IGFBPL1: variants seen among roughly 807,000 people sequenced by gnomAD.
IGFBPL1 encodes the protein insulin like growth factor binding protein like 1.
Under a neutral mutation model 23.9 loss-of-function variants are expected in IGFBPL1, and 20 were observed. The observed-to-expected ratio is 0.84, with a 90% CI of 0.59 to 1.22. The LOEUF (loss-of-function observed/expected upper bound fraction) is 1.22, where lower values mean the gene tolerates loss of function less well. IGFBPL1 is among the 50% of genes most tolerant of loss of function. The probability of loss-of-function intolerance (pLI) is 0.00; values close to 1 mark genes in which losing one functional copy is unlikely to be tolerated. For synonymous variants in IGFBPL1, 184 were observed against 171.8 expected (o/e 1.07, Z -0.56); for missense variants, 436 against 379.3 (o/e 1.15, Z -1.24).
intron 1 of IGFBPL1, among the ~76,000 whole-genome samples, chr9:38,419,094 C>T (rs1234657312): frequency 1.3e-5 from 2 of 151,910 alleles, no homozygotes; most frequent in Non-Finnish European, 2.9e-5. Flanking sequence ...GATTTGTCCC[C>T]CTACCTCGTC....
intron 4 of IGFBPL1, 65 bp downstream of exon 4, chr9:38,411,326 T>C (rs1321132284): frequency 1.4e-6 from 2 of 1,419,458 alleles, no homozygotes; most frequent in East Asian, 4.6e-5. Context: ...TTACAGGTCT[T>C]ATAAGCCACC....
intron 2 of IGFBPL1, 77 bp from the exon 3 acceptor site, chr9:38,413,430 CCCTCCTCCTT>C: frequency 1.1e-6 from 1 of 906,912 alleles, no homozygotes; most frequent in Non-Finnish European, 1.8e-6. Flanking sequence ...GGCTTCCTTG[CCCTCCTCCTT>C]CCTCCTCCTC....
chr9:38,420,705 T>C (rs10814692), intron 1 of IGFBPL1, among the ~76,000 whole-genome samples: 35,434 of 151,882 alleles, frequency 0.23, 4,623 homozygotes, highest in African/African-American at 0.34. Context: ...GGCGTGGTGG[T>C]GGGCGCCTGT....
Position 38,411,409 on chromosome 9 carries a change from G to C in IGFBPL1, c.828C>G (p.Asp276Glu). 2 of 1,607,374 alleles carry C rather than the reference G, an allele frequency of 1.2e-6. No individual in the cohort carries two copies. The highest frequency in any genetic ancestry group is 1.7e-6 in the Non-Finnish European group (2 of 1,179,140). The change falls in exon 4 of 5, where the codon GAC (aspartate) becomes GAG (glutamate). Residue 276 changes from aspartate (D) to glutamate (E), a missense_variant. By Grantham distance (45) the Asp-to-Glu change is conservative (BLOSUM62 2). Transcript: ENST00000377694. ...CATGTACATTTCTCCATCACATGCG[G>C]TCATCGGGAGCTGGGAAGTGGAAGC... ...YRSFHFPAPD[D>E]RM
intron 1 of IGFBPL1, among the ~76,000 whole-genome samples, chr9:38,420,451 T>C (rs1438437320): frequency 6.6e-6 from 1 of 152,152 alleles, no homozygotes; most frequent in Non-Finnish European, 1.5e-5. Context: ...TGGACCCAGA[T>C]TGAGAAACCC....
intron 1 of IGFBPL1, among the ~76,000 whole-genome samples, chr9:38,422,910 G>C (rs1821701632): frequency 6.6e-6 from 1 of 152,072 alleles, no homozygotes; most frequent in Admixed American, 6.6e-5. Context: ...TTGAAGCTAA[G>C]TCATTACACT....
At chr9:38,411,063 CT>C (rs143259563) in intron 4 of IGFBPL1, among the ~76,000 whole-genome samples, 4,933 of 152,176 alleles carry the variant, frequency 0.032, 126 homozygotes, top group Middle Eastern at 0.065. Flanking sequence ...CACAATGACA[CT>C]GTCTGCTACC....
At chr9:38,421,284 CAAAAAA>C (rs35342818) in intron 1 of IGFBPL1, among the ~76,000 whole-genome samples, 3 of 91,550 alleles carry the variant, frequency 3.3e-5, no homozygotes, top group African/African-American at 1.3e-4. Context: ...GACCCTGTCT[CAAAAAA>C]AAAAAAAAAA....
intron 1 of IGFBPL1, among the ~76,000 whole-genome samples, chr9:38,416,676 AT>A (rs10555920): frequency 0.15 from 21,320 of 140,196 alleles, 1,841 homozygotes; most frequent in East Asian, 0.42. Context: ...TCCGGTTCTA[AT>A]TTTTTTTTTT....
At chr9:38,419,736 C>G (rs982342191) in intron 1 of IGFBPL1, among the ~76,000 whole-genome samples, 4 of 152,204 alleles carry the variant, frequency 2.6e-5, no homozygotes, top group Non-Finnish European at 5.9e-5. Context: ...CATCATAATA[C>G]TAAGGCCATA....
chr9:38,407,006 A>G lies in IGFBPL1; in HGVS notation c.*2221T>C, dbSNP rs183811369. The stretch of plus-strand genomic sequence containing the variant: ...CTACTACCTTCTTCAGAGCCACAGC[A>G]TTCCTGTTCCTTCCCACATCATTTC... On this transcript the variant is annotated 3_prime_UTR_variant, in exon 5 of 5. Coordinates refer to ENST00000377694, the MANE Select transcript of IGFBPL1 (RefSeq NM_001007563.3). Among the ~76,000 whole-genome samples, 1 of 152,316 alleles carries G rather than the reference A, an allele frequency of 6.6e-6. No individual in the cohort carries two copies. The highest frequency in any genetic ancestry group is 1.5e-5 in the Non-Finnish European group (1 of 68,024).
intron 1 of IGFBPL1, among the ~76,000 whole-genome samples, chr9:38,418,997 G>A (rs1821636816): frequency 6.6e-6 from 1 of 152,120 alleles, no homozygotes; most frequent in Admixed American, 6.5e-5. Flanking sequence ...TCCTTGGGGT[G>A]AAGGGAGAAA....
intron 4 of IGFBPL1, among the ~76,000 whole-genome samples, chr9:38,410,369 G>C (rs1048185657): frequency 6.6e-6 from 1 of 151,962 alleles, no homozygotes; most frequent in Admixed American, 6.6e-5. Context: ...TGTAGTCCCA[G>C]CTACTCGGGA....
In IGFBPL1 at chr9:38,420,040, C is replaced by T. The variant is rs553034368; in HGVS notation, c.460+3925G>A. On this transcript the variant is annotated intron_variant, in intron 1 of 4. Coordinates refer to ENST00000377694, the MANE Select transcript of IGFBPL1 (RefSeq NM_001007563.3). ...AAGTAGCTGGGACTACAGGCACATGCCATCATGTCCAGCTAGTTTTTAGAA... is the reference window on the plus strand; with the variant it reads ...AAGTAGCTGGGACTACAGGCACATGTCATCATGTCCAGCTAGTTTTTAGAA... 9.2e-5 allele frequency among the ~76,000 whole-genome samples: 14 copies of T among 152,266 alleles called. No homozygotes were observed. The South Asian group carries it at 1.5e-3, about 16-fold the overall frequency.
rs1332754604 is a variant in IGFBPL1, at chr9:38,419,164, C to A, written c.460+4801G>T. Among the ~76,000 whole-genome samples the A allele has an allele frequency of 3.3e-5, 5 of 152,062 alleles. No homozygotes were observed. The East Asian group carries it at 9.6e-4, about 29-fold the overall frequency. Reference sequence around the variant, plus strand: ...ATCTTCCCAAATCCCTCTGAGATTTCTTTAAAGTTAATGGTGCTAGGGAAA... The same window carrying A: ...ATCTTCCCAAATCCCTCTGAGATTTATTTAAAGTTAATGGTGCTAGGGAAA... On this transcript the variant is annotated intron_variant, in intron 1 of 4. Transcript: ENST00000377694.
At chr9:38,423,720 G>T (rs1007221559) in intron 1 of IGFBPL1, among the ~76,000 whole-genome samples, 1 of 152,168 alleles carries the variant, frequency 6.6e-6, no homozygotes, top group Non-Finnish European at 1.5e-5. Context: ...TGCATCAGCA[G>T]GTACTTAAGT....
At position 38,407,544 on chromosome 9, in the gene IGFBPL1, G is replaced by A. The variant is rs1042803335; in HGVS notation, c.*1683C>T. Among the ~76,000 whole-genome samples, 3 of 152,202 alleles carry A rather than the reference G, an allele frequency of 2.0e-5. No homozygotes were observed. Among genetic ancestry groups the A allele is most frequent in the South Asian group, 2.1e-4 (1 of 4,832 alleles). Reference sequence around the variant, plus strand: ...CCAAAATGTAATGCACAATGTGAGCGGTGTGAAAGTGTGCCTTAAAAGTTG... The same window carrying A: ...CCAAAATGTAATGCACAATGTGAGCAGTGTGAAAGTGTGCCTTAAAAGTTG... On this transcript the variant is annotated 3_prime_UTR_variant, in exon 5 of 5. Transcript: ENST00000377694.
rs1821724905 is a variant in IGFBPL1 at position 38,424,143 on chromosome 9, C to G, written c.282G>C (p.Gln94His). The change falls in exon 1 of 5, where the codon CAG becomes CAC. Residue 94 changes from glutamine (Q) to histidine (H), a missense_variant. Coordinates refer to ENST00000377694, the MANE Select transcript of IGFBPL1 (RefSeq NM_001007563.3). ...RCGPGLVCAS[Q>H]AAGAAPEGTG... Reference sequence around the variant, plus strand: ...TGCCCTCGGGCGCTGCCCCAGCGGCCTGGCTCGCGCATACCAGGCCGGGGC... The same window carrying G: ...TGCCCTCGGGCGCTGCCCCAGCGGCGTGGCTCGCGCATACCAGGCCGGGGC... 1 of 1,229,982 alleles carries G rather than the reference C, an allele frequency of 8.1e-7. No homozygotes were observed. Among genetic ancestry groups the G allele is most frequent in the Non-Finnish European group, 1.0e-6 (1 of 986,246 alleles). The allele number at this position is 1,229,982 out of a possible 1,614,324, so 76.2% of individuals were successfully genotyped here. A position where few individuals can be genotyped will look rare whatever the true frequency, so the allele number is the denominator to read the frequency against.
At chr9:38,418,271 A>G (rs1821628438) in intron 1 of IGFBPL1, among the ~76,000 whole-genome samples, 1 of 152,226 alleles carries the variant, frequency 6.6e-6, no homozygotes, top group African/African-American at 2.4e-5. Context: ...GGAAGAGTCC[A>G]GGTTCAAATC....
Sources: gnomAD v4.1 joint callset for allele counts (sites outside exome capture counted in the v4.1 genomes callset) on GRCh38, gnomAD v4.1.1 for gene constraint, MANE v1.5 for transcripts, NCBI Gene and HGNC (gene_info 2026-07-23, HGNC 2026-07-21) for gene names.